Variants in SLC4A10 observed in about 807,000 individuals in gnomAD.
SLC4A10 encodes the protein sodium-driven chloride bicarbonate exchanger.
A neutral mutation model predicts 137.7 loss-of-function variants in SLC4A10; 42 were observed. The observed-to-expected ratio is 0.30, with a 90% CI of 0.24 to 0.39. The LOEUF (loss-of-function observed/expected upper bound fraction) is 0.39, where lower values mean the gene tolerates loss of function less well. Ranked by LOEUF, SLC4A10 falls within the 10% of genes least tolerant of loss-of-function variation. The probability of loss-of-function intolerance (pLI) is 1.00; values close to 1 mark genes in which losing one functional copy is unlikely to be tolerated. For missense variants in SLC4A10, 925 were observed against 1,355.0 expected (o/e 0.68, Z 4.98); for synonymous variants, 474 against 464.1 (o/e 1.02, Z -0.27).
chr2:161,724,195 T>C (rs1257848733), intron 1 of SLC4A10, among the ~76,000 whole-genome samples: 1 of 152,128 alleles, frequency 6.6e-6, no homozygotes, highest in Non-Finnish European at 1.5e-5. Context: ...ACCTCAACCA[T>C]CCAAAAACCA....
chr2:161,841,749 T>C (rs2059199770), intron 4 of SLC4A10, among the ~76,000 whole-genome samples: 1 of 152,176 alleles, frequency 6.6e-6, no homozygotes, highest in African/African-American at 2.4e-5. Context: ...ATAAAACTAA[T>C]AACTGCCAGT....
intron 6 of SLC4A10, among the ~76,000 whole-genome samples, chr2:161,866,052 A>C (rs1474110466): frequency 6.6e-6 from 1 of 152,028 alleles, no homozygotes; most frequent in Non-Finnish European, 1.5e-5. Context: ...TTTCCTCCCT[A>C]AGCATAGTGG....
intron 1 of SLC4A10, among the ~76,000 whole-genome samples, chr2:161,677,468 C>T (rs2040392673): frequency 6.6e-6 from 1 of 152,136 alleles, no homozygotes; most frequent in African/African-American, 2.4e-5. Context: ...AAAACTATTA[C>T]ACATATACTT....
At chr2:161,831,790 G>T (rs902284500) in intron 3 of SLC4A10, among the ~76,000 whole-genome samples, 3 of 152,044 alleles carry the variant, frequency 2.0e-5, no homozygotes, top group African/African-American at 4.8e-5. Context: ...TGGTGAAAAG[G>T]TTCACAAAGA....
At chr2:161,628,067 T>C (rs924818692) in intron 1 of SLC4A10, among the ~76,000 whole-genome samples, 1 of 152,140 alleles carries the variant, frequency 6.6e-6, no homozygotes, top group South Asian at 2.1e-4. Flanking sequence ...ATCATTTTAG[T>C]AAGAATGGAA....
intron 1 of SLC4A10, among the ~76,000 whole-genome samples, chr2:161,758,279 T>A (rs1183512033): frequency 3.3e-5 from 5 of 151,954 alleles, no homozygotes; most frequent in Non-Finnish European, 5.9e-5. Flanking sequence ...ACTTTGCTTT[T>A]TAAATTAATT....
At chr2:161,960,363 C>CAAA (rs369670130) in intron 21 of SLC4A10, among the ~76,000 whole-genome samples, 52 of 45,086 alleles carry the variant, frequency 1.2e-3, no homozygotes, top group African/African-American at 1.3e-3. Flanking sequence ...GACTCTGTCT[C>CAAA]AAAAAAAAAA....
chr2:161,904,215 A>C, intron 13 of SLC4A10, 37 bp downstream of exon 13: 1 of 1,542,776 alleles, frequency 6.5e-7, no homozygotes, highest in Non-Finnish European at 8.8e-7. Context: ...TTGAAACATA[A>C]TCCATTTTTA....
intron 8 of SLC4A10, 140 bp from the exon 9 acceptor site, chr2:161,878,991 G>A (rs2061592312): frequency 1.5e-6 from 1 of 647,370 alleles, no homozygotes; most frequent in East Asian, 3.2e-5. Flanking sequence ...TAGAAAAAGG[G>A]CAAATGAGAT....
At chr2:161,844,212 A>G (rs549256415) in intron 4 of SLC4A10, among the ~76,000 whole-genome samples, 1 of 152,220 alleles carries the variant, frequency 6.6e-6, no homozygotes, top group African/African-American at 2.4e-5. Context: ...ACATACATAC[A>G]TGGCAGAATA....
chr2:161,662,504 A>G (rs913415020), intron 1 of SLC4A10, among the ~76,000 whole-genome samples: 32 of 152,200 alleles, frequency 2.1e-4, no homozygotes, highest in African/African-American at 7.5e-4. Flanking sequence ...GCAGTAATAA[A>G]AACCAACAAC....
chr2:161,888,516 G>A (rs1363633012), intron 10 of SLC4A10, among the ~76,000 whole-genome samples: 3 of 152,122 alleles, frequency 2.0e-5, no homozygotes, highest in Non-Finnish European at 4.4e-5. Flanking sequence ...CACATCCCTT[G>A]TAAGTGGTAT....
At position 161,950,816 on chromosome 2, in the gene SLC4A10, GTCA is replaced by G; in HGVS notation, c.2516_2518del (p.Ile839del). The G allele has an allele frequency of 6.2e-7, 1 of 1,605,664 alleles. No homozygotes were observed. The highest frequency in any genetic ancestry group is 8.5e-7 in the Non-Finnish European group (1 of 1,175,654). On this transcript the variant is annotated inframe_deletion, in exon 19 of 27. Coordinates refer to ENST00000446997, the MANE Select transcript of SLC4A10 (RefSeq NM_001178015.2). ...TTTTATGGACCAACAGATTACAGCT[GTCA>G]TCATCAACAGGAAAGAGCATAAGCT...
intron 1 of SLC4A10, among the ~76,000 whole-genome samples, chr2:161,687,967 A>G (rs1574352652): frequency 6.6e-6 from 1 of 152,208 alleles, no homozygotes; most frequent in East Asian, 1.9e-4. Context: ...ATAGCAATGT[A>G]AGAATGGACT....
intron 1 of SLC4A10, among the ~76,000 whole-genome samples, chr2:161,709,572 G>C (rs900479853): frequency 2.0e-5 from 3 of 151,544 alleles, no homozygotes; most frequent in Non-Finnish European, 3.0e-5. Flanking sequence ...TAAGCTTGTT[G>C]AAGATTTTTT....
chr2:161,771,163 A>G, intron 2 of SLC4A10, 109 bp downstream of exon 2: 1 of 766,736 alleles, frequency 1.3e-6, no homozygotes, highest in East Asian at 2.7e-5. Context: ...TATCAGAGTA[A>G]TGGTAGCTTA....
chr2:161,872,800 G>A (rs1428195168), intron 7 of SLC4A10, among the ~76,000 whole-genome samples: 4 of 152,168 alleles, frequency 2.6e-5, no homozygotes, highest in South Asian at 4.1e-4. Context: ...TGCAACCTCC[G>A]CCTCCTGGGT....
At chr2:161,744,378 T>C (rs572809639) in intron 1 of SLC4A10, among the ~76,000 whole-genome samples, 1 of 152,318 alleles carries the variant, frequency 6.6e-6, no homozygotes, top group Admixed American at 6.5e-5. Context: ...TCAGTATCGA[T>C]TGAAATGATC....
At chr2:161,855,728 T>C (rs2060062464) in intron 5 of SLC4A10, among the ~76,000 whole-genome samples, 1 of 152,034 alleles carries the variant, frequency 6.6e-6, no homozygotes, top group African/African-American at 2.4e-5. Context: ...GTCAAAGAAC[T>C]CCTGTATCTT....
Sources: gnomAD v4.1 joint callset for allele counts (sites outside exome capture counted in the v4.1 genomes callset) on GRCh38, gnomAD v4.1.1 for gene constraint, MANE v1.5 for transcripts, NCBI Gene and HGNC (gene_info 2026-07-23, HGNC 2026-07-21) for gene names.